Variants in PPP1R9A observed in about 807,000 individuals in gnomAD.
PPP1R9A encodes the protein protein phosphatase 1 regulatory subunit 9A.
PPP1R9A carries 59 observed loss-of-function variants against 141.9 expected under a neutral mutation model. The observed-to-expected ratio is 0.42, with a 90% CI of 0.34 to 0.52. PPP1R9A has a LOEUF of 0.52. Among genes scored for constraint, PPP1R9A ranks in the 20% least tolerant of loss-of-function variants. PPP1R9A has a pLI of 0.10. For missense variants in PPP1R9A, 1,444 were observed against 1,611.9 expected (o/e 0.90, Z 1.78); for synonymous variants, 500 against 569.7 (o/e 0.88, Z 1.74).
At chr7:95,284,404 T>A in intron 17 of PPP1R9A, 74 bp downstream of exon 17, 1 of 1,265,410 alleles carries the variant, frequency 7.9e-7, no homozygotes, top group Non-Finnish European at 1.1e-6. Flanking sequence ...ACTACCACCT[T>A]CTTTAATGCT....
intron 2 of PPP1R9A, among the ~76,000 whole-genome samples, chr7:95,046,815 G>A (rs2188478): frequency 0.67 from 101,265 of 152,118 alleles, 34,547 homozygotes; most frequent in African/African-American, 0.81. Flanking sequence ...GTGAATCCTT[G>A]AATGAAAAGC....
At position 95,030,403 on chromosome 7, in the gene PPP1R9A, A is replaced by G. The variant is rs181325314; in HGVS notation, c.1396-80856A>G. ...GCATTTGGTGGTGTTCTAGATAGCC[A>G]GTAGTTACTATTCCGTTAAGTTCCT... is the stretch of plus-strand genomic sequence containing the variant. On this transcript the variant is annotated intron_variant, in intron 2 of 19. Coordinates refer to ENST00000433360, the MANE Select transcript of PPP1R9A (RefSeq NM_001166160.2). Among the ~76,000 whole-genome samples the G allele has an allele frequency of 1.6e-3, 244 of 152,334 alleles. 1 individual carries two copies. The highest frequency in any genetic ancestry group is 5.6e-3 in the African/African-American group (234 of 41,574).
chr7:94,922,391 T>C (rs1429396288), intron 2 of PPP1R9A, among the ~76,000 whole-genome samples: 53 of 152,196 alleles, frequency 3.5e-4, no homozygotes, highest in Admixed American at 3.4e-3. Flanking sequence ...TTTATGTGCT[T>C]ATAGGCTTTT....
chr7:95,198,101 A>C (rs1836553924), intron 5 of PPP1R9A, among the ~76,000 whole-genome samples: 1 of 152,210 alleles, frequency 6.6e-6, no homozygotes, highest in Non-Finnish European at 1.5e-5. Context: ...ATCTTCTCTT[A>C]AAATGATAAT....
At chr7:95,207,416 ATAAC>A (rs756242888) in intron 7 of PPP1R9A, among the ~76,000 whole-genome samples, 7 of 152,198 alleles carry the variant, frequency 4.6e-5, no homozygotes, top group Non-Finnish European at 1.0e-4. Flanking sequence ...GTAATAAAAC[ATAAC>A]TTTGGTACCA....
chr7:95,252,170 G>C, intron 12 of PPP1R9A, 40 bp downstream of exon 12: 1 of 1,500,962 alleles, frequency 6.7e-7, no homozygotes, highest in East Asian at 2.4e-5. Flanking sequence ...TTTGATGACT[G>C]TGTAATTTGG....
At chr7:95,170,268 G>T (rs984873195) in intron 5 of PPP1R9A, among the ~76,000 whole-genome samples, 1 of 151,590 alleles carries the variant, frequency 6.6e-6, no homozygotes, top group Admixed American at 6.6e-5. Flanking sequence ...TACGCTTTTG[G>T]AATCTCAGAA....
chr7:95,164,741 C>CTTTTTTTTTTTTTTT (rs200177321), intron 5 of PPP1R9A, among the ~76,000 whole-genome samples: 1 of 66,132 alleles, frequency 1.5e-5, no homozygotes, highest in Non-Finnish European at 2.8e-5. Flanking sequence ...CTTTTCTTTT[C>CTTTTTTTTTTTTTTT]TTTTTTTTTT....
intron 14 of PPP1R9A, 116 bp downstream of exon 14, chr7:95,269,623 T>C: frequency 1.3e-6 from 1 of 769,306 alleles, no homozygotes; most frequent in Non-Finnish European, 1.9e-6. Flanking sequence ...TAATATTAAT[T>C]TCTTTTTATA....
At position 94,974,845 on chromosome 7, in the gene PPP1R9A, T is replaced by C. The variant is rs563607684; in HGVS notation, c.1395+63337T>C. Among the ~76,000 whole-genome samples, 4 of 152,006 alleles carry C rather than the reference T, an allele frequency of 2.6e-5. No homozygotes were observed. In the South Asian group the frequency reaches 6.2e-4, roughly 24 times the overall value. ...ACAAGTTATAGAGAAGAGAAAGTTATAGAGAAGAGAAAACAGAAATGGTGT... is the reference window on the plus strand; with the variant it reads ...ACAAGTTATAGAGAAGAGAAAGTTACAGAGAAGAGAAAACAGAAATGGTGT... On this transcript the variant is annotated intron_variant, in intron 2 of 19. Coordinates refer to ENST00000433360, the MANE Select transcript of PPP1R9A (RefSeq NM_001166160.2).
intron 4 of PPP1R9A, among the ~76,000 whole-genome samples, chr7:95,145,836 T>G (rs1056946919): frequency 2.0e-5 from 3 of 152,242 alleles, no homozygotes; most frequent in Non-Finnish European, 4.4e-5. Context: ...TAACTCATCC[T>G]TTTGTATGGC....
At chr7:95,054,831 A>G (rs1811299237) in intron 2 of PPP1R9A, among the ~76,000 whole-genome samples, 1 of 152,158 alleles carries the variant, frequency 6.6e-6, no homozygotes, top group Non-Finnish European at 1.5e-5. Context: ...TTGTTTCTTC[A>G]TAAAATGGAA....
intron 2 of PPP1R9A, among the ~76,000 whole-genome samples, chr7:95,045,822 C>G (rs1278604803): frequency 2.0e-5 from 3 of 152,202 alleles, no homozygotes; most frequent in Non-Finnish European, 4.4e-5. Flanking sequence ...GAGCCCTCTT[C>G]TGCCCTGCTC....
At chr7:95,110,370 G>A (rs1305879842) in intron 2 of PPP1R9A, among the ~76,000 whole-genome samples, 7 of 151,854 alleles carry the variant, frequency 4.6e-5, no homozygotes, top group Non-Finnish European at 1.0e-4. Flanking sequence ...TGATTTTTGG[G>A]GGAGCACAGT....
chr7:94,994,172 G>A (rs1287249532), intron 2 of PPP1R9A, among the ~76,000 whole-genome samples: 1 of 152,040 alleles, frequency 6.6e-6, no homozygotes, highest in African/African-American at 2.4e-5. Context: ...GTAGAAGTAT[G>A]ATTGGACTGA....
At chr7:95,149,266 A>G (rs184919445) in intron 4 of PPP1R9A, among the ~76,000 whole-genome samples, 12 of 152,280 alleles carry the variant, frequency 7.9e-5, no homozygotes, top group Non-Finnish European at 1.0e-4. Flanking sequence ...AAAAATACCT[A>G]CAAAACACCT....
intron 2 of PPP1R9A, among the ~76,000 whole-genome samples, chr7:95,020,138 T>C (rs1805717892): frequency 6.6e-6 from 1 of 152,176 alleles, no homozygotes; most frequent in South Asian, 2.1e-4. Context: ...TATATAATTC[T>C]ACTTATATAC....
In PPP1R9A at chr7:95,121,913, T is replaced by G. The variant is rs142665213; in HGVS notation, c.1649+1081T>G. ...GGTCTAACCTCTCAACACTGTTGCG[T>G]TAAGGATCGTTTTCAACATATAACA... On this transcript the variant is annotated intron_variant, in intron 4 of 19. Coordinates refer to ENST00000433360, the MANE Select transcript of PPP1R9A (RefSeq NM_001166160.2). Among the ~76,000 whole-genome samples the G allele has an allele frequency of 2.6e-3, 397 of 152,258 alleles. 4 individuals are homozygous for G. Among genetic ancestry groups the G allele is most frequent in the Admixed American group, 0.024 (364 of 15,292 alleles).
intron 2 of PPP1R9A, among the ~76,000 whole-genome samples, chr7:95,035,372 G>A (rs1808294221): frequency 6.6e-6 from 1 of 151,988 alleles, no homozygotes; most frequent in African/African-American, 2.4e-5. Flanking sequence ...ATTGTACATA[G>A]AGCCCAATTT....
Sources: allele counts gnomAD v4.1 joint callset (sites outside exome capture counted in the v4.1 genomes callset), GRCh38; gene constraint gnomAD v4.1.1; transcripts MANE v1.5; gene names NCBI Gene and HGNC (gene_info 2026-07-23, HGNC 2026-07-21).